The following TMEM244 variants were observed in gnomAD, a reference collection of about 807,000 sequenced individuals.
TMEM244 encodes the protein putative transmembrane protein 244.
A neutral mutation model predicts 15.8 loss-of-function variants in TMEM244; 13 were observed. The observed-to-expected ratio is 0.82, with a 90% CI of 0.53 to 1.30. The LOEUF is 1.30. Ranked by LOEUF, TMEM244 falls within the 50% of genes most tolerant of loss-of-function variation. The pLI is 0.00. For missense variants in TMEM244, 161 were observed against 144.9 expected, an observed-to-expected ratio of 1.11 and a Z score of -0.57; for synonymous variants, 45 against 48.7, an observed-to-expected ratio of 0.92 and a Z score of 0.32.
intron 1 of TMEM244, among the ~76,000 whole-genome samples, chr6:129,846,648 G>A (rs955985920): frequency 3.3e-5 from 5 of 152,034 alleles, no homozygotes; most frequent in Non-Finnish European, 5.9e-5. Flanking sequence ...CCTCAGCTGT[G>A]ATAATAATAT....
intron 3 of TMEM244, among the ~76,000 whole-genome samples, chr6:129,835,832 C>T (rs140629829): frequency 1.6e-3 from 249 of 151,114 alleles, no homozygotes; most frequent in African/African-American, 5.5e-3. Context: ...AGACCTGCGA[C>T]GCTGCATCTT....
intron 3 of TMEM244, among the ~76,000 whole-genome samples, chr6:129,835,896 C>A (rs555960208): frequency 1.3e-5 from 2 of 152,244 alleles, no homozygotes; most frequent in African/African-American, 4.8e-5. Flanking sequence ...ACAGTGTAAA[C>A]AAAGAGGCCT....
chr6:129,838,509 C>T (rs1776440385), intron 3 of TMEM244, among the ~76,000 whole-genome samples: 3 of 152,126 alleles, frequency 2.0e-5, no homozygotes, highest in Admixed American at 6.5e-5. Flanking sequence ...GACACCCTAA[C>T]ATCACAATTA....
At chr6:129,843,644 G>T (rs17058068) in intron 2 of TMEM244, 41 bp from the exon 3 acceptor site, 3 of 1,454,060 alleles carry the variant, frequency 2.1e-6, no homozygotes, top group Non-Finnish European at 2.9e-6. Context: ...TCTGAATGAG[G>T]CAGTTCATAA....
rs1270132252 is a variant in TMEM244 at position 129,861,169 on chromosome 6, A to C, written c.20T>G (p.Val7Gly). ...ATTTCTCTTTACCTTGCTTGGAGCA[A>C]CTCTGACCTGGAGAGCCATGTACAC... MALQVRVAPSKVVLQKF... is the reference protein window; with the variant it reads MALQVRGAPSKVVLQKF... The change falls in exon 1 of 5, where the codon GTT (valine) becomes GGT (glycine). Residue 7 changes from valine to glycine, a missense_variant. Transcript: ENST00000368143. 1.2e-6 allele frequency: 2 copies of C among 1,613,772 alleles called. No homozygotes were observed. The highest frequency in any genetic ancestry group is 3.3e-5 in the Admixed American group (2 of 59,990).
intron 3 of TMEM244, among the ~76,000 whole-genome samples, chr6:129,841,480 T>C (rs1776490499): frequency 6.6e-6 from 1 of 151,882 alleles, no homozygotes; most frequent in South Asian, 2.1e-4. Context: ...AATGACGAGT[T>C]GATGGGTGCA....
chr6:129,832,867 T>C (rs1243001254), intron 4 of TMEM244, among the ~76,000 whole-genome samples: 1 of 152,294 alleles, frequency 6.6e-6, no homozygotes, highest in East Asian at 1.9e-4. Flanking sequence ...AAATAACTAT[T>C]GTTGGATAGG....
At chr6:129,839,997 A>G (rs2114636226) in intron 3 of TMEM244, among the ~76,000 whole-genome samples, 1 of 152,328 alleles carries the variant, frequency 6.6e-6, no homozygotes, top group East Asian at 1.9e-4. Flanking sequence ...GAAAATGGCC[A>G]TACTGCCCAA....
chr6:129,847,768 CT>C (rs1776580051), intron 1 of TMEM244, among the ~76,000 whole-genome samples: 1 of 143,218 alleles, frequency 7.0e-6, no homozygotes. Context: ...TTTCTTTTTT[CT>C]TTTTTCTTTT....
At chr6:129,855,804 G>T (rs766542915) in intron 1 of TMEM244, among the ~76,000 whole-genome samples, 2 of 151,970 alleles carry the variant, frequency 1.3e-5, no homozygotes, top group Non-Finnish European at 2.9e-5. Flanking sequence ...CTTGGTAAAG[G>T]TGATATCTAC....
intron 1 of TMEM244, among the ~76,000 whole-genome samples, chr6:129,856,707 T>C (rs1404894141): frequency 6.6e-6 from 1 of 152,128 alleles, no homozygotes; most frequent in East Asian, 1.9e-4. Context: ...CCTTTTTCTT[T>C]TCTTTAAGGT....
Position 129,843,530 on chromosome 6 carries a change from C to A in TMEM244, c.193G>T (p.Val65Phe). The change falls in exon 3 of 5, where the codon GTT becomes TTT. Residue 65 changes from valine to phenylalanine, a missense_variant and splice_region_variant. By Grantham distance (50) the Val-to-Phe change is conservative (BLOSUM62 -1). Coordinates refer to ENST00000368143, the MANE Select transcript of TMEM244 (RefSeq NM_001010876.2). ...AAGAATTTAAAATTAAAACAATTAC[C>A]TTTATAGTTTATGTTGAGCCATGAG... ...NPSWLNINYK[V>F]LLVSTEVTYF... 6.2e-7 allele frequency: 1 copy of A among 1,604,452 alleles called. No individual in the cohort carries two copies.
intron 3 of TMEM244, among the ~76,000 whole-genome samples, chr6:129,839,588 G>T (rs1776458938): frequency 1.3e-5 from 2 of 152,266 alleles, no homozygotes; most frequent in East Asian, 3.9e-4. Context: ...GGGCAATCAG[G>T]CAAGAGAAAG....
chr6:129,849,376 A>G (rs2040062353), intron 1 of TMEM244, among the ~76,000 whole-genome samples: 1 of 152,170 alleles, frequency 6.6e-6, no homozygotes, highest in South Asian at 2.1e-4. Context: ...CACCCTACAG[A>G]GCCTATGGAA....
At chr6:129,847,764 T>G (rs1312887492) in intron 1 of TMEM244, among the ~76,000 whole-genome samples, 1 of 144,886 alleles carries the variant, frequency 6.9e-6, no homozygotes, top group Non-Finnish European at 1.5e-5. Flanking sequence ...CTTGTTTCTT[T>G]TTTCTTTTTT....
At chr6:129,834,201 C>T (rs183471836) in intron 3 of TMEM244, among the ~76,000 whole-genome samples, 142 of 152,278 alleles carry the variant, frequency 9.3e-4, no homozygotes, top group Non-Finnish European at 1.2e-3. Context: ...TACCTGAACA[C>T]GTATAAAGAG....
At chr6:129,845,464 C>T (rs781076661) in intron 2 of TMEM244, among the ~76,000 whole-genome samples, 9 of 152,116 alleles carry the variant, frequency 5.9e-5, no homozygotes, top group Admixed American at 1.3e-4. Flanking sequence ...TCAGATAGAA[C>T]ATTTGCCTAT....
Position 129,844,710 on chromosome 6 carries a change from C to T in TMEM244, c.119+1057G>A, listed in dbSNP as rs926290007. 3.3e-5 allele frequency among the ~76,000 whole-genome samples: 5 copies of T among 152,286 alleles called. No homozygotes were observed. In the East Asian group the frequency reaches 9.6e-4, roughly 29 times the overall value. On this transcript the variant is annotated intron_variant, in intron 2 of 4. Transcript: ENST00000368143. Reference sequence around the variant, plus strand: ...CCTAGAGAGTCTTGCCTTCTCCTTTCCCCAGGCATAGCCTCACTGTCTCCA... The same window carrying T: ...CCTAGAGAGTCTTGCCTTCTCCTTTTCCCAGGCATAGCCTCACTGTCTCCA...
At chr6:129,839,410 G>T (rs1776454742) in intron 3 of TMEM244, among the ~76,000 whole-genome samples, 1 of 152,110 alleles carries the variant, frequency 6.6e-6, no homozygotes, top group Non-Finnish European at 1.5e-5. Flanking sequence ...AATAAACTAG[G>T]TATTGATGGA....
Sources: gnomAD v4.1 joint callset for allele counts (sites outside exome capture counted in the v4.1 genomes callset) on GRCh38, gnomAD v4.1.1 for gene constraint, MANE v1.5 for transcripts, NCBI Gene and HGNC (gene_info 2026-07-23, HGNC 2026-07-21) for gene names.